KRT77: variants seen among roughly 807,000 people sequenced by gnomAD.
KRT77 encodes keratin, type II cytoskeletal 1b.
Under a neutral mutation model 51.5 loss-of-function variants are expected in KRT77, and 44 were observed. The observed-to-expected ratio is 0.85, with a 90% CI of 0.67 to 1.10. KRT77 has a LOEUF of 1.10. Among genes scored for constraint, KRT77 ranks in the 50% least tolerant of loss-of-function variants. KRT77 has a pLI of 0.00. For missense variants in KRT77, 763 were observed against 743.9 expected (o/e 1.03, Z -0.30); for synonymous variants, 293 against 302.0 (o/e 0.97, Z 0.31).
Position 52,703,430 on chromosome 12 carries a change from C to T in KRT77, c.5G>A (p.Ser2Asn), listed in dbSNP as rs552221506. Residue 2 changes from serine to asparagine, a missense_variant, in exon 1 of 9, where the codon AGC (serine) becomes AAC (asparagine). Transcript: ENST00000341809. ...CGCGGACTGAGAACTAAATTGGTGG[C>T]TCATGTTTGCTGGAGCATCCAGAGA... The part of the protein sequence containing the change: M[S>N]HQFSSQSAFS... The T allele has an allele frequency of 4.4e-6, 7 of 1,574,742 alleles. No individual in the cohort carries two copies. The Admixed American group carries it at 8.8e-5, about 20-fold the overall frequency.
rs1463886824 is a variant in KRT77 at position 52,703,371 on chromosome 12, T to C, written c.64A>G (p.Ser22Gly). ...CCACCACCAGAGCCTGCAGAAGAGCTGGTACTATAAACCCGCCTGCTCATT... is the reference window on the plus strand; with the variant it reads ...CCACCACCAGAGCCTGCAGAAGAGCCGGTACTATAAACCCGCCTGCTCATT... ...SSMSRRVYSTSSSAGSGGGSP... is the reference protein window; with the variant it reads ...SSMSRRVYSTGSSAGSGGGSP... The change falls in exon 1 of 9, where the codon AGC (serine) becomes GGC (glycine). Residue 22 changes from serine to glycine, a missense_variant. Transcript: ENST00000341809. 1 of 1,613,614 alleles carries C rather than the reference T, an allele frequency of 6.2e-7. No homozygotes were observed. Among genetic ancestry groups the C allele is most frequent in the Admixed American group, 1.7e-5 (1 of 59,974 alleles).
At position 52,691,126 on chromosome 12, in the gene KRT77, G is replaced by A. The variant is rs1056452365; in HGVS notation, c.*39C>T. ...GAGGGGAGGAGTTTGAGGAGAGGGC[G>A]GTGAGGGGCAGGCGTGATGTGTGGC... On this transcript the variant is annotated 3_prime_UTR_variant, in exon 9 of 9. Coordinates refer to ENST00000341809, the MANE Select transcript of KRT77 (RefSeq NM_175078.3). 4.3e-6 allele frequency: 7 copies of A among 1,613,408 alleles called. No individual in the cohort carries two copies. The African/African-American group carries it at 5.3e-5, about 12-fold the overall frequency.
rs779806846 is a variant in KRT77, at chr12:52,703,093, AC to A, written c.341del (p.Gly114ValfsTer26). On this transcript the variant is annotated frameshift_variant, in exon 1 of 9. Coordinates refer to ENST00000341809, the MANE Select transcript of KRT77 (RefSeq NM_175078.3). LOFTEE classifies it high-confidence loss of function. ...CAAAATTGCTAGTCCCAAATCCAGC[AC>A]CCCCAAAACCACCTCCTCCAAAGCC... Reference protein sequence around the residue: ...AGGFGGGGFGGAGFGTSNFGL... With the variant: ...AGGFGGGGFGXAGFGTSNFGL... 1.2e-6 allele frequency: 2 copies of A among 1,612,758 alleles called. No homozygotes were observed. The highest frequency in any genetic ancestry group is 2.2e-5 in the South Asian group (2 of 91,004).
At chr12:52,696,111 G>T (rs1467458547) in intron 3 of KRT77, among the ~76,000 whole-genome samples, 2 of 152,250 alleles carry the variant, frequency 1.3e-5, no homozygotes, top group Non-Finnish European at 2.9e-5. Flanking sequence ...AGGTCCCAAG[G>T]CTACAGGTAA....
rs1941726965 is a variant in KRT77, at chr12:52,692,494, T to C, written c.1354A>G (p.Met452Val). 1.2e-6 allele frequency: 2 copies of C among 1,614,022 alleles called. No individual in the cohort carries two copies. Among genetic ancestry groups the C allele is most frequent in the East Asian group, 2.2e-5 (1 of 44,844 alleles). Residue 452 changes from methionine to valine, a missense_variant, in exon 7 of 9, where the codon ATG becomes GTG. By Grantham distance (21) the Met-to-Val change is conservative (BLOSUM62 1). Transcript: ENST00000341809. ...TCCAGGGACAGCTTGACCCCCAGCATGGCCTGGTAGTCACGCAGCAGCCGG... is the reference window on the plus strand; with the variant it reads ...TCCAGGGACAGCTTGACCCCCAGCACGGCCTGGTAGTCACGCAGCAGCCGG... ...LARLLRDYQA[M>V]LGVKLSLDVE... is the part of the protein sequence containing the mutation.
intron 2 of KRT77, among the ~76,000 whole-genome samples, chr12:52,697,249 G>T (rs998972254): frequency 6.6e-6 from 1 of 152,182 alleles, no homozygotes; most frequent in Non-Finnish European, 1.5e-5. Flanking sequence ...AAACTCAGGG[G>T]GCAGAGCCCA....
intron 5 of KRT77, among the ~76,000 whole-genome samples, chr12:52,694,045 A>G (rs905120645): frequency 4.6e-5 from 7 of 151,900 alleles, no homozygotes; most frequent in African/African-American, 1.7e-4. Flanking sequence ...TCAAAAAAAA[A>G]AAAAAGTAAA....
chr12:52,692,532 T>C lies in KRT77; in HGVS notation c.1316A>G (p.Lys439Arg). 6.2e-7 allele frequency: 1 copy of C among 1,614,032 alleles called. No homozygotes were observed. The highest frequency in any genetic ancestry group is 8.5e-7 in the Non-Finnish European group (1 of 1,179,984). The change falls in exon 7 of 9, where the codon AAG becomes AGG. Residue 439 changes from lysine to arginine, a missense_variant. Lys to Arg is a conservative substitution (Grantham distance 26, BLOSUM62 2). Coordinates refer to ENST00000341809, the MANE Select transcript of KRT77 (RefSeq NM_175078.3). ...ACGCAGCAGCCGGGCCAGCTCCTCCTTGGACTGCTGCAGGGCCTCCTCCAG... is the reference window on the plus strand; with the variant it reads ...ACGCAGCAGCCGGGCCAGCTCCTCCCTGGACTGCTGCAGGGCCTCCTCCAG... ...QDLEEALQQS[K>R]EELARLLRDY...
Position 52,695,690 on chromosome 12 carries a change from G to A in KRT77, c.915+82C>T, listed in dbSNP as rs549898996. ...GTCCCTAGTGGGACCCTAGTGTTGG[G>A]TTTCAGGCCTCCCCTCTTACAGCCC... is the stretch of plus-strand genomic sequence containing the variant. On this transcript the variant is annotated intron_variant, in intron 4 of 8. Transcript: ENST00000341809. 259 of 985,582 alleles carry A rather than the reference G, an allele frequency of 2.6e-4. No homozygotes were observed. The African/African-American group carries it at 3.9e-3, about 15-fold the overall frequency. The allele number at this position is 985,582 out of a possible 1,614,324, so 61.1% of individuals were successfully genotyped here. A position where few individuals can be genotyped will look rare whatever the true frequency, so the allele number is the denominator to read the frequency against.
chr12:52,696,301 C>A lies in KRT77; in HGVS notation c.819+69G>T, dbSNP rs533385920. 4.8e-5 allele frequency: 70 copies of A among 1,460,476 alleles called. No individual in the cohort carries two copies. In the African/African-American group the frequency reaches 9.2e-4, roughly 19 times the overall value. The allele number at this position is 1,460,476 out of a possible 1,614,324, so 90.5% of individuals were successfully genotyped here. A position where few individuals can be genotyped will look rare whatever the true frequency, so the allele number is the denominator to read the frequency against. The stretch of plus-strand genomic sequence containing the variant: ...ACCCTGCCGTTGTCACAGAGCATCC[C>A]ATAGGGATTCCTCACTCCCCTCAGC... On this transcript the variant is annotated intron_variant, in intron 3 of 8. Coordinates refer to ENST00000341809, the MANE Select transcript of KRT77 (RefSeq NM_175078.3).
chr12:52,700,659 T>C (rs1165679913), intron 1 of KRT77, among the ~76,000 whole-genome samples: 1 of 152,144 alleles, frequency 6.6e-6, no homozygotes, highest in Non-Finnish European at 1.5e-5. Context: ...TACTAGCCAT[T>C]GTATCCCGAA....
intron 1 of KRT77, among the ~76,000 whole-genome samples, chr12:52,699,916 G>T (rs898948103): frequency 6.6e-6 from 1 of 152,230 alleles, no homozygotes; most frequent in Non-Finnish European, 1.5e-5. Flanking sequence ...AAGACAAAAA[G>T]TGTCATGCAC....
At chr12:52,700,717 A>C (rs1306805249) in intron 1 of KRT77, among the ~76,000 whole-genome samples, 1 of 152,182 alleles carries the variant, frequency 6.6e-6, no homozygotes, top group Non-Finnish European at 1.5e-5. Context: ...CACAAATGCA[A>C]GTGTGGGCTT....
chr12:52,695,855 C>T lies in KRT77; in HGVS notation c.832G>A (p.Ala278Thr), dbSNP rs1462378424. ...TCCAGGTCCACTTTGCTCACATAAG[C>T]AGCATCCACATCCTGAATAGCAGGC... is the stretch of plus-strand genomic sequence containing the variant. Reference protein sequence around the residue: ...FVVLKKDVDAAYVSKVDLESR... With the variant: ...FVVLKKDVDATYVSKVDLESR... Residue 278 changes from alanine (A) to threonine (T), a missense_variant, in exon 4 of 9, where the codon GCT becomes ACT. Coordinates refer to ENST00000341809, the MANE Select transcript of KRT77 (RefSeq NM_175078.3). 6.2e-7 allele frequency: 1 copy of T among 1,609,766 alleles called. No individual in the cohort carries two copies. The highest frequency in any genetic ancestry group is 8.5e-7 in the Non-Finnish European group (1 of 1,176,000).
At chr12:52,698,215 G>C in intron 1 of KRT77, 1 of 1,190,440 alleles carries the variant, frequency 8.4e-7, no homozygotes, top group Non-Finnish European at 1.1e-6. Context: ...TAAGGAAATG[G>C]TGTTTCGGAG....
At chr12:52,698,222 G>A (rs1000048299) in intron 1 of KRT77, 22 of 1,136,736 alleles carry the variant, frequency 1.9e-5, no homozygotes, top group African/African-American at 7.9e-5. Context: ...ATGGTGTTTC[G>A]GAGCATCTGA....
Position 52,703,444 on chromosome 12 carries a change from A to G in KRT77, c.-10T>C. On this transcript the variant is annotated 5_prime_UTR_variant, in exon 1 of 9. Transcript: ENST00000341809. ...TAAATTGGTGGCTCATGTTTGCTGG[A>G]GCATCCAGAGAAGCAGGCAAGAGAA... The G allele has an allele frequency of 1.3e-6, 2 of 1,564,082 alleles. No homozygotes were observed. Among genetic ancestry groups the G allele is most frequent in the South Asian group, 1.2e-5 (1 of 83,396 alleles).
Position 52,691,357 on chromosome 12 carries a change from G to T in KRT77, c.1545C>A (p.Ser515Arg). ...TTCTTCCGCCGCCATAGCCCCCACC[G>T]CTGCCGCCGCCGTAGCCTCCTGAGC... Reference protein sequence around the residue: ...SYGSGGYGGGSGGGYGGGRSY... With the variant: ...SYGSGGYGGGRGGGYGGGRSY... The change falls in exon 9 of 9, where the codon AGC becomes AGA. Residue 515 changes from serine (S) to arginine (R), a missense_variant. Physicochemically the swap from Ser to Arg is moderately radical, Grantham distance 110. Coordinates refer to ENST00000341809, the MANE Select transcript of KRT77 (RefSeq NM_175078.3). 2 of 1,594,780 alleles carry T rather than the reference G, an allele frequency of 1.3e-6. No individual in the cohort carries two copies. Among genetic ancestry groups the T allele is most frequent in the Non-Finnish European group, 8.5e-7 (1 of 1,172,348 alleles).
chr12:52,696,472 A>C (rs776095080), intron 2 of KRT77, 42 bp from the exon 3 acceptor site: 1 of 1,567,582 alleles, frequency 6.4e-7, no homozygotes. Context: ...CTGCAGGCTG[A>C]CCTTGGCTCC....
Sources: allele counts gnomAD v4.1 joint callset (sites outside exome capture counted in the v4.1 genomes callset), GRCh38; gene constraint gnomAD v4.1.1; transcripts MANE v1.5; gene names NCBI Gene and HGNC (gene_info 2026-07-23, HGNC 2026-07-21).